The following SLC38A7 variants were observed in gnomAD, a reference collection of about 807,000 sequenced individuals.
SLC38A7 encodes sodium-coupled neutral amino acid transporter 7.
SLC38A7 carries 29 observed loss-of-function variants against 50.1 expected under a neutral mutation model. The ratio of observed to expected loss-of-function variants is 0.58; its 90% CI spans 0.43 to 0.79. SLC38A7 has a LOEUF of 0.79. SLC38A7 is among the 30% of genes least tolerant of loss of function. SLC38A7 has a pLI of 0.00. For missense variants in SLC38A7, 483 were observed against 610.6 expected (o/e 0.79, Z 2.20); for synonymous variants, 244 against 245.9 (o/e 0.99, Z 0.07).
chr16:58,674,920 C>A lies in SLC38A7; in HGVS notation c.883+1020G>T, dbSNP rs34382240. ...GAGCCACCTTTCCCCGAACCACCCC[C>A]CTGCTTAAAACACTTCCTCGATGAC... On this transcript the variant is annotated intron_variant, in intron 8 of 11. Coordinates refer to ENST00000219320, the MANE Select transcript of SLC38A7 (RefSeq NM_018231.3). Among the ~76,000 whole-genome samples, 701 of 152,242 alleles carry A rather than the reference C, an allele frequency of 4.6e-3. 7 individuals carry two copies. Among genetic ancestry groups the A allele is most frequent in the African/African-American group, 0.016 (649 of 41,548 alleles).
Position 58,671,211 on chromosome 16 carries a change from CT to C in SLC38A7, c.1064del (p.Gln355ArgfsTer40). The C allele has an allele frequency of 6.2e-7, 1 of 1,613,946 alleles. No homozygotes were observed. Among genetic ancestry groups the C allele is most frequent in the Non-Finnish European group, 8.5e-7 (1 of 1,179,904 alleles). On this transcript the variant is annotated frameshift_variant, in exon 10 of 12. Coordinates refer to ENST00000219320, the MANE Select transcript of SLC38A7 (RefSeq NM_018231.3). LOFTEE classifies it high-confidence loss of function. ...AVVEGLWLRY[Q>X]GVPVEEDVGR... ...CCACGTCCTCCTCCACTGGCACCCC[CT>C]GGTAGCGCAGCCACAGGCCTTCCAC...
intron 11 of SLC38A7, among the ~76,000 whole-genome samples, chr16:58,669,089 A>C (rs2044106374): frequency 1.9e-5 from 2 of 106,822 alleles, no homozygotes; most frequent in Admixed American, 1.0e-4. Flanking sequence ...TCTTTTTTAG[A>C]CATGTTTGTA....
chr16:58,672,516 C>A (rs1328454697), intron 8 of SLC38A7, among the ~76,000 whole-genome samples: 3 of 152,218 alleles, frequency 2.0e-5, no homozygotes, highest in African/African-American at 7.2e-5. Context: ...ACTGTTCTGT[C>A]TGGCAGACCT....
intron 2 of SLC38A7, among the ~76,000 whole-genome samples, chr16:58,682,820 T>C (rs1044959411): frequency 7.2e-5 from 11 of 151,946 alleles, no homozygotes; most frequent in African/African-American, 2.7e-4. Flanking sequence ...TTAGTAGAGA[T>C]GGGGTTTTGC....
chr16:58,669,484 C>A (rs2044116427), intron 11 of SLC38A7, among the ~76,000 whole-genome samples: 1 of 152,074 alleles, frequency 6.6e-6, no homozygotes, highest in East Asian at 1.9e-4. Context: ...TATGTGTACA[C>A]AGACACGCAC....
chr16:58,678,931 G>T lies in SLC38A7; in HGVS notation c.271-37C>A. 6.3e-7 allele frequency: 1 copy of T among 1,599,836 alleles called. No individual in the cohort carries two copies. The highest frequency in any genetic ancestry group is 8.5e-7 in the Non-Finnish European group (1 of 1,175,092). ...GGCAGAACAAGAGCTTGTGGCAAAG[G>T]CCTGGCAGCAGAGGGCACCCTGGGC... is the stretch of plus-strand genomic sequence containing the variant. On this transcript the variant is annotated intron_variant, in intron 3 of 11. Coordinates refer to ENST00000219320, the MANE Select transcript of SLC38A7 (RefSeq NM_018231.3). This position sits in a 1 kb window ranked among gnomAD's most constrained non-coding sequence, Gnocchi z 4.0.
chr16:58,674,838 C>T (rs986725982), intron 8 of SLC38A7, among the ~76,000 whole-genome samples: 1 of 152,090 alleles, frequency 6.6e-6, no homozygotes, highest in African/African-American at 2.4e-5. Context: ...GGGGATCCTT[C>T]TTCCAGGGTC....
intron 11 of SLC38A7, among the ~76,000 whole-genome samples, chr16:58,668,226 T>C (rs542820647): frequency 1.3e-5 from 2 of 151,888 alleles, no homozygotes; most frequent in Non-Finnish European, 2.9e-5. Context: ...TCACCTGAGG[T>C]CAGGAGTTTG....
chr16:58,676,630 GA>G (rs1249596784), intron 6 of SLC38A7, among the ~76,000 whole-genome samples: 3 of 152,192 alleles, frequency 2.0e-5, no homozygotes, highest in Non-Finnish European at 4.4e-5. Flanking sequence ...TCAAAAGAAG[GA>G]AATTGTTTTT....
chr16:58,676,793 A>G (rs1298069986), intron 6 of SLC38A7, among the ~76,000 whole-genome samples: 1 of 152,028 alleles, frequency 6.6e-6, no homozygotes, highest in African/African-American at 2.4e-5. Context: ...CTGCTACTAC[A>G]GGCGCCTGCC....
Position 58,678,881 on chromosome 16 carries a change from A to G in SLC38A7, c.284T>C (p.Phe95Ser), listed in dbSNP as rs763770135. ...CAGGATGACAAGGCCACTGATGATG[A>G]AAACCAGCATACCCTGCAGGCAGAG... ...GIALQMGMLV[F>S]IISGLVILAY... is the part of the protein sequence containing the mutation. The change falls in exon 4 of 12, where the codon TTC (phenylalanine) becomes TCC (serine). Residue 95 changes from phenylalanine (F) to serine (S), a missense_variant. By Grantham distance (155) the Phe-to-Ser change is radical. Coordinates refer to ENST00000219320, the MANE Select transcript of SLC38A7 (RefSeq NM_018231.3). This position sits in a 1 kb window ranked among gnomAD's most constrained non-coding sequence, Gnocchi z 4.0. 1 of 1,613,550 alleles carries G rather than the reference A, an allele frequency of 6.2e-7. No homozygotes were observed. Among genetic ancestry groups the G allele is most frequent in the East Asian group, 2.2e-5 (1 of 44,868 alleles).
Position 58,671,214 on chromosome 16 carries a change from G to A in SLC38A7, c.1062C>T (p.Tyr354=). The A allele has an allele frequency of 1.2e-6, 2 of 1,613,892 alleles. No individual in the cohort carries two copies. Among genetic ancestry groups the A allele is most frequent in the Non-Finnish European group, 1.7e-6 (2 of 1,179,876 alleles). The change falls in exon 10 of 12, where the codon TAC becomes TAT. Residue 354 remains tyrosine (Y), a synonymous_variant. Coordinates refer to ENST00000219320, the MANE Select transcript of SLC38A7 (RefSeq NM_018231.3). ...CGTCCTCCTCCACTGGCACCCCCTG[G>A]TAGCGCAGCCACAGGCCTTCCACCA... The part of the protein sequence containing the change: ...RAVVEGLWLR[Y]QGVPVEEDVG...
At chr16:58,669,974 CA>C (rs113220781) in intron 11 of SLC38A7, 138 bp downstream of exon 11, 21,325 of 581,576 alleles carry the variant, frequency 0.037, 90 homozygotes, top group African/African-American at 0.088. Context: ...GACTCCGGCT[CA>C]AAAAAAAAAA....
At position 58,679,959 on chromosome 16, in the gene SLC38A7, G is replaced by A. The variant is rs2044355016; in HGVS notation, c.168C>T (p.Ala56=). The A allele has an allele frequency of 2.5e-6, 4 of 1,611,668 alleles. No homozygotes were observed. The highest frequency in any genetic ancestry group is 3.4e-6 in the Non-Finnish European group (4 of 1,178,580). Reference sequence around the variant, plus strand: ...GGCACGCGTTGACGACGATGAAGATGGCCCCAAGTGTGGAAGTGGTGCCTC... The same window carrying A: ...GGCACGCGTTGACGACGATGAAGATAGCCCCAAGTGTGGAAGTGGTGCCTC... ...LDRGTTSTLG[A]IFIVVNACLG... is the part of the protein sequence containing the mutation. Residue 56 remains alanine, a synonymous_variant, in exon 3 of 12, where the codon GCC becomes GCT. Transcript: ENST00000219320.
At chr16:58,675,845 G>A in intron 8 of SLC38A7, 95 bp downstream of exon 8, 1 of 944,138 alleles carries the variant, frequency 1.1e-6, no homozygotes, top group African/African-American at 1.6e-5. Context: ...TGGGAATGCA[G>A]GGCTGTCCCC....
chr16:58,680,566 G>A (rs1196655719), intron 2 of SLC38A7, among the ~76,000 whole-genome samples: 1 of 152,238 alleles, frequency 6.6e-6, no homozygotes, highest in Non-Finnish European at 1.5e-5. Context: ...CCTTAGGATG[G>A]TCTTGTGGTC....
intron 2 of SLC38A7, among the ~76,000 whole-genome samples, chr16:58,683,360 G>C (rs1316091628): frequency 6.6e-6 from 1 of 152,150 alleles, no homozygotes; most frequent in African/African-American, 2.4e-5. Flanking sequence ...AACAAAGCTG[G>C]GGACCATCCA....
rs1567470372 is a variant in SLC38A7 at position 58,672,017 on chromosome 16, G to A, written c.1031+79C>T. On this transcript the variant is annotated intron_variant, in intron 9 of 11. Coordinates refer to ENST00000219320, the MANE Select transcript of SLC38A7 (RefSeq NM_018231.3). ...TCAGTTTCTCCTTCTACAGGATGGG[G>A]TCCACACAAGGCCAAAGGACCATGT... is the stretch of plus-strand genomic sequence containing the variant. 2.8e-6 allele frequency: 4 copies of A among 1,406,376 alleles called. No individual in the cohort carries two copies. The South Asian group carries it at 4.4e-5, about 15-fold the overall frequency. The allele number at this position is 1,406,376 out of a possible 1,614,324, so 87.1% of individuals were successfully genotyped here.
intron 11 of SLC38A7, among the ~76,000 whole-genome samples, chr16:58,667,975 G>A (rs2044075638): frequency 6.6e-6 from 1 of 151,828 alleles, no homozygotes; most frequent in African/African-American, 2.4e-5. Flanking sequence ...AGACCAGCCT[G>A]GGCAAGATGG....
Sources: gnomAD v4.1 joint callset for allele counts (sites outside exome capture counted in the v4.1 genomes callset) on GRCh38, gnomAD v4.1.1 for gene constraint, Gnocchi (gnomAD v3.1) non-coding constraint, MANE v1.5 for transcripts, NCBI Gene and HGNC (gene_info 2026-07-23, HGNC 2026-07-21) for gene names.